The following DCHS2 variants were observed in gnomAD, a reference collection of about 807,000 sequenced individuals.
The protein encoded by DCHS2 is dachsous cadherin-related 2, also known as protocadherin-23.
In DCHS2, 142 loss-of-function variants were observed where a neutral mutation model predicts 182.4. The observed-to-expected ratio is 0.78, with a 90% CI of 0.68 to 0.89. The LOEUF (loss-of-function observed/expected upper bound fraction) is 0.89, where lower values mean the gene tolerates loss of function less well. DCHS2 is among the 40% of genes least tolerant of loss of function. The pLI is 0.00. For missense variants in DCHS2, 4,319 were observed against 4,198.6 expected (o/e 1.03, Z -0.79); for synonymous variants, 1,740 against 1,663.3 (o/e 1.05, Z -1.12).
rs753075338 is a variant in DCHS2, at chr4:154,382,766, T to C, written c.2053-5322A>G. 1.8e-4 allele frequency among the ~76,000 whole-genome samples: 27 copies of C among 152,170 alleles called. 1 individual carries two copies. Among genetic ancestry groups the C allele is most frequent in the South Asian group, 1.2e-3 (6 of 4,802 alleles). On this transcript the variant is annotated intron_variant, in intron 1 of 19. Transcript: ENST00000357232. ...AAAAAATGCTCAATATCACTAATCA[T>C]CAGAGAAATGCAAATCAATACCACA...
chr4:154,310,852 T>A (rs1735646541), intron 10 of DCHS2, among the ~76,000 whole-genome samples: 1 of 152,196 alleles, frequency 6.6e-6, no homozygotes, highest in Non-Finnish European at 1.5e-5. Flanking sequence ...GATGTCTTAA[T>A]TAGACACATG....
intron 1 of DCHS2, among the ~76,000 whole-genome samples, chr4:154,423,922 A>T (rs1235849766): frequency 1.3e-5 from 2 of 152,208 alleles, no homozygotes; most frequent in East Asian, 3.9e-4. Context: ...CTGCTGGTCC[A>T]GGGACCAAAC....
chr4:154,262,150 C>G (rs1355072802), intron 14 of DCHS2: 1 of 152,172 alleles, frequency 6.6e-6, no homozygotes, highest in African/African-American at 2.4e-5. Context: ...TAGTGCAGAT[C>G]AAAGTTGATT....
At chr4:154,341,017 G>GT (rs1443478696) in intron 3 of DCHS2, among the ~76,000 whole-genome samples, 2 of 152,188 alleles carry the variant, frequency 1.3e-5, no homozygotes, top group African/African-American at 4.8e-5. Context: ...ATGAATTTAT[G>GT]TGGGGGGAGA....
chr4:154,490,394 G>A lies in DCHS2; in HGVS notation c.962C>T (p.Thr321Ile), dbSNP rs1324314109. ...GCCATTGGGCCCCAGGTCGCGGTCG[G>A]TGGCGCGCACGCGACAGACCTCGGC... ...PGAEVCRVRATDRDLGPNGFV... is the reference protein window; with the variant it reads ...PGAEVCRVRAIDRDLGPNGFV... Residue 321 changes from threonine (T) to isoleucine (I), a missense_variant, in exon 1 of 20, where the codon ACC (threonine) becomes ATC (isoleucine). Transcript: ENST00000357232. The A allele has an allele frequency of 7.8e-6, 12 of 1,533,224 alleles. No individual in the cohort carries two copies. Among genetic ancestry groups the A allele is most frequent in the Non-Finnish European group, 9.6e-6 (11 of 1,144,504 alleles). 95.0% of individuals were successfully genotyped at this position (1,533,224 alleles called of 1,614,324 possible). A position where few individuals can be genotyped will look rare whatever the true frequency, so the allele number is the denominator to read the frequency against.
chr4:154,320,710 G>C lies in DCHS2; in HGVS notation c.4689C>G (p.His1563Gln). 6.2e-7 allele frequency: 1 copy of C among 1,614,088 alleles called. No individual in the cohort carries two copies. The highest frequency in any genetic ancestry group is 8.5e-7 in the Non-Finnish European group (1 of 1,180,022). The change falls in exon 9 of 20, where the codon CAC becomes CAG. Residue 1563 changes from histidine (H) to glutamine (Q), a missense_variant. Transcript: ENST00000357232. ...CAGTGACTAGTGTGCCAAATGAGGG[G>C]TGGATGAGAAATGGATTCGTGCCAG... ...HNPGTNPFLI[H>Q]PSFGTLVTVS...
rs753247413 is a variant in DCHS2, at chr4:154,298,724, A to C, written c.5606-16T>G. 1 of 1,535,720 alleles carries C rather than the reference A, an allele frequency of 6.5e-7. No homozygotes were observed. The highest frequency in any genetic ancestry group is 8.7e-7 in the Non-Finnish European group (1 of 1,143,802). On this transcript the variant is annotated splice_polypyrimidine_tract_variant and intron_variant, in intron 12 of 19. Transcript: ENST00000357232. ...GTATTTCCATCTATTAAAGAAAACA[A>C]TTACAAATTCATTTGAATTGAAAAA...
At chr4:154,450,308 C>T (rs753202144) in intron 1 of DCHS2, among the ~76,000 whole-genome samples, 1 of 152,166 alleles carries the variant, frequency 6.6e-6, no homozygotes, top group Non-Finnish European at 1.5e-5. Flanking sequence ...TACTTGAATG[C>T]TGTTAAGTAC....
intron 10 of DCHS2, among the ~76,000 whole-genome samples, chr4:154,308,459 C>T (rs1196433308): frequency 1.3e-5 from 2 of 152,224 alleles, no homozygotes; most frequent in Non-Finnish European, 2.9e-5. Flanking sequence ...TTCATGTCTT[C>T]AGTTTGCATC....
At position 154,490,807 on chromosome 4, in the gene DCHS2, C is replaced by T; in HGVS notation, c.549G>A (p.Gly183=). The T allele has an allele frequency of 6.4e-7, 1 of 1,551,546 alleles. No homozygotes were observed. The highest frequency in any genetic ancestry group is 1.2e-5 in the South Asian group (1 of 84,052). The change falls in exon 1 of 20, where the codon GGG becomes GGA. Residue 183 remains glycine, a synonymous_variant. Transcript: ENST00000357232. ...QLDVSELSPP[G]TAFRLPVAHD... ...GGGCAACTGGCAGGCGGAAGGCGGT[C>T]CCTGGCGGGCTGAGCTCGGAGACGT...
At chr4:154,270,762 CAG>C (rs1446247537) in intron 13 of DCHS2, among the ~76,000 whole-genome samples, 8 of 151,542 alleles carry the variant, frequency 5.3e-5, no homozygotes, top group African/African-American at 1.5e-4. Flanking sequence ...GAGACATGGA[CAG>C]ATTAAAGACA....
At chr4:154,375,834 C>G (rs576024802) in intron 2 of DCHS2, among the ~76,000 whole-genome samples, 1 of 152,040 alleles carries the variant, frequency 6.6e-6, no homozygotes, top group African/African-American at 2.4e-5. Context: ...AAAATGGATA[C>G]CACCAACTAT....
intron 1 of DCHS2, among the ~76,000 whole-genome samples, chr4:154,439,378 T>A (rs1002864249): frequency 1.3e-5 from 2 of 151,602 alleles, no homozygotes; most frequent in Admixed American, 6.6e-5. Context: ...CATTTTCCCA[T>A]ACCGTTTATA....
Position 154,464,716 on chromosome 4 carries a change from G to A in DCHS2, c.2052+24588C>T, listed in dbSNP as rs532004975. ...ACATGGGTTCCAGCAGGGAGAACTA[G>A]AGACTGAGGCTGAACAGGATTTGCA... is the stretch of plus-strand genomic sequence containing the variant. On this transcript the variant is annotated intron_variant, in intron 1 of 19. Coordinates refer to ENST00000357232, the MANE Select transcript of DCHS2 (RefSeq NM_001358235.2). 2.6e-5 allele frequency among the ~76,000 whole-genome samples: 4 copies of A among 152,252 alleles called. No homozygotes were observed. In the East Asian group the frequency reaches 7.7e-4, roughly 29 times the overall value.
intron 19 of DCHS2, among the ~76,000 whole-genome samples, chr4:154,238,531 C>G (rs1449809400): frequency 6.6e-6 from 1 of 152,122 alleles, no homozygotes; most frequent in Non-Finnish European, 1.5e-5. Context: ...CACTGTTCAA[C>G]TTTCTCTATA....
At chr4:154,451,025 G>C (rs1734510101) in intron 1 of DCHS2, among the ~76,000 whole-genome samples, 1 of 152,148 alleles carries the variant, frequency 6.6e-6, no homozygotes, top group Non-Finnish European at 1.5e-5. Context: ...TCCCATTTGA[G>C]TGTGCTACTC....
chr4:154,367,469 G>C (rs577111177), intron 2 of DCHS2, among the ~76,000 whole-genome samples: 1 of 152,296 alleles, frequency 6.6e-6, no homozygotes, highest in Non-Finnish European at 1.5e-5. Context: ...ACCTAAAGTA[G>C]TGAGAAGTGG....
intron 15 of DCHS2, among the ~76,000 whole-genome samples, chr4:154,256,796 A>G (rs1473837928): frequency 4.6e-5 from 7 of 151,936 alleles, no homozygotes; most frequent in Non-Finnish European, 7.4e-5. Context: ...TACCATCTCA[A>G]TTTATCCTTC....
intron 2 of DCHS2, among the ~76,000 whole-genome samples, chr4:154,368,144 G>A (rs944610125): frequency 3.3e-5 from 5 of 152,064 alleles, no homozygotes; most frequent in African/African-American, 4.8e-5. Flanking sequence ...ATGCAGGGTC[G>A]CCCTACATCT....
Sources: allele counts gnomAD v4.1 joint callset (sites outside exome capture counted in the v4.1 genomes callset), GRCh38; gene constraint gnomAD v4.1.1; transcripts MANE v1.5; gene names NCBI Gene and HGNC (gene_info 2026-07-23, HGNC 2026-07-21).